SPATA16: variants seen among roughly 807,000 people sequenced by gnomAD.
SPATA16 encodes spermatogenesis associated 16, also known as spermatogenesis-associated protein 16.
A neutral mutation model predicts 63.3 loss-of-function variants in SPATA16; 36 were observed. That is an observed-to-expected ratio of 0.57 (90% CI 0.44 to 0.75). SPATA16 has a LOEUF of 0.75. Among genes scored for constraint, SPATA16 ranks in the 30% least tolerant of loss-of-function variants. SPATA16 has a pLI of 0.00. For synonymous variants in SPATA16, 203 were observed against 216.7 expected (o/e 0.94, Z 0.56); for missense variants, 646 against 679.3 (o/e 0.95, Z 0.54).
chr3:173,001,359 T>G (rs561953201), intron 4 of SPATA16, among the ~76,000 whole-genome samples: 1 of 151,848 alleles, frequency 6.6e-6, no homozygotes, highest in South Asian at 2.1e-4. Flanking sequence ...TAAATTAGGT[T>G]CTAGTAAAAC....
intron 5 of SPATA16, among the ~76,000 whole-genome samples, chr3:172,967,622 T>A (rs1042091654): frequency 3.3e-5 from 5 of 152,206 alleles, no homozygotes; most frequent in Non-Finnish European, 7.4e-5. Context: ...GGCGGGCCAG[T>A]AAGAAGCTTT....
chr3:173,070,413 A>G (rs1035301735), intron 2 of SPATA16, among the ~76,000 whole-genome samples: 1 of 148,860 alleles, frequency 6.7e-6, no homozygotes, highest in Non-Finnish European at 1.5e-5. Flanking sequence ...AAAAAAAAAA[A>G]GATGCCTACT....
chr3:172,920,681 A>G (rs899205817), intron 8 of SPATA16, among the ~76,000 whole-genome samples: 1 of 152,234 alleles, frequency 6.6e-6, no homozygotes, highest in Non-Finnish European at 1.5e-5. Context: ...CTAATTAGAT[A>G]TTAGGTAGGT....
At chr3:172,999,233 C>A (rs1294612682) in intron 4 of SPATA16, among the ~76,000 whole-genome samples, 1 of 151,964 alleles carries the variant, frequency 6.6e-6, no homozygotes, top group East Asian at 1.9e-4. Context: ...ACATATAGGC[C>A]TATTCAGATT....
At chr3:173,061,514 A>G (rs1736377658) in intron 2 of SPATA16, among the ~76,000 whole-genome samples, 1 of 152,246 alleles carries the variant, frequency 6.6e-6, no homozygotes, top group African/African-American at 2.4e-5. Flanking sequence ...AATTATGCAC[A>G]ACAATTAGCC....
chr3:172,925,777 C>T (rs962792978), intron 6 of SPATA16, among the ~76,000 whole-genome samples: 3 of 152,068 alleles, frequency 2.0e-5, no homozygotes, highest in Admixed American at 2.0e-4. Flanking sequence ...ACATTCAGGA[C>T]CAGCTTGCAG....
chr3:173,065,797 C>CTAAT (rs1213558097), intron 2 of SPATA16, among the ~76,000 whole-genome samples: 5 of 152,168 alleles, frequency 3.3e-5, no homozygotes, highest in Admixed American at 3.3e-4. Flanking sequence ...AGTATTAGAT[C>CTAAT]AGCCCTGGGC....
At chr3:173,111,544 A>C (rs1021860178) in intron 2 of SPATA16, among the ~76,000 whole-genome samples, 1 of 152,200 alleles carries the variant, frequency 6.6e-6, no homozygotes, top group Admixed American at 6.5e-5. Context: ...TGAACCCCCA[A>C]ATTTCTGATT....
chr3:172,939,808 G>A (rs149289355), intron 6 of SPATA16, among the ~76,000 whole-genome samples: 21 of 152,238 alleles, frequency 1.4e-4, no homozygotes, highest in Middle Eastern at 3.4e-3. Flanking sequence ...GGTGACTCTT[G>A]CTGGGCCCTT....
At chr3:173,040,806 A>G (rs553234897) in intron 3 of SPATA16, among the ~76,000 whole-genome samples, 1 of 152,200 alleles carries the variant, frequency 6.6e-6, no homozygotes, top group South Asian at 2.1e-4. Context: ...GTGGAGAACT[A>G]AGTGAGATAG....
chr3:172,960,875 C>CTTTCTTTCTTTCTTTCTTTCTT (rs139523157), intron 5 of SPATA16, among the ~76,000 whole-genome samples: 2 of 142,182 alleles, frequency 1.4e-5, no homozygotes, highest in African/African-American at 5.4e-5. Flanking sequence ...CTTTCTTTCT[C>CTTTCTTTCTTTCTTTCTTTCTT]TCTTTCTTTC....
At chr3:173,048,617 C>T (rs1736008935) in intron 3 of SPATA16, among the ~76,000 whole-genome samples, 1 of 152,122 alleles carries the variant, frequency 6.6e-6, no homozygotes, top group Non-Finnish European at 1.5e-5. Flanking sequence ...TCCACAACTG[C>T]AATTTCGACA....
At chr3:173,046,667 A>G (rs1735961566) in intron 3 of SPATA16, among the ~76,000 whole-genome samples, 1 of 152,054 alleles carries the variant, frequency 6.6e-6, no homozygotes, top group African/African-American at 2.4e-5. Context: ...ACAAAAGCAG[A>G]ATTCTGCATT....
At chr3:173,084,667 C>A (rs910794393) in intron 2 of SPATA16, among the ~76,000 whole-genome samples, 1 of 152,090 alleles carries the variant, frequency 6.6e-6, no homozygotes, top group African/African-American at 2.4e-5. Context: ...ACATTTAAGT[C>A]TTTAATCCAT....
rs188128239 is a variant in SPATA16 at position 173,126,109 on chromosome 3, C to T, written c.-18-8360G>A. 8.0e-5 allele frequency among the ~76,000 whole-genome samples: 12 copies of T among 150,642 alleles called. No homozygotes were observed. The East Asian group carries it at 1.7e-3, about 22-fold the overall frequency. ...AACAATATTTATGATGTGCCTACCC[C>T]GGTCTTTTTTATTGTAGTCTTTGTT... On this transcript the variant is annotated intron_variant, in intron 1 of 10. Coordinates refer to ENST00000351008, the MANE Select transcript of SPATA16 (RefSeq NM_031955.6).
chr3:172,991,544 C>T (rs1207973401), intron 4 of SPATA16, among the ~76,000 whole-genome samples: 1 of 152,184 alleles, frequency 6.6e-6, no homozygotes, highest in African/African-American at 2.4e-5. Context: ...AGCTGAACTG[C>T]TGGATGGCTT....
rs1390674373 is a variant in SPATA16, at chr3:173,117,573, A to G, written c.159T>C (p.Gly53=). Residue 53 remains glycine (G), a synonymous_variant, in exon 2 of 11, where the codon GGT becomes GGC. Transcript: ENST00000351008. ...TTTCAAGTGTGATTTCTACCTGTTT[A>G]CCTCCACAGTTTTTCTTAATCTCTT... ...MSQEIKKNCG[G]KQVEITLERT... is the part of the protein sequence containing the mutation. The G allele has an allele frequency of 6.2e-7, 1 of 1,613,430 alleles. No individual in the cohort carries two copies. Among genetic ancestry groups the G allele is most frequent in the Non-Finnish European group, 8.5e-7 (1 of 1,179,782 alleles).
chr3:173,050,816 G>T (rs956664363), intron 2 of SPATA16, among the ~76,000 whole-genome samples: 2 of 152,188 alleles, frequency 1.3e-5, no homozygotes, highest in Non-Finnish European at 2.9e-5. Flanking sequence ...CACTGGAAAT[G>T]ACCTCAGTCA....
At chr3:172,953,189 G>C (rs1171516128) in intron 6 of SPATA16, among the ~76,000 whole-genome samples, 1 of 152,116 alleles carries the variant, frequency 6.6e-6, no homozygotes, top group Non-Finnish European at 1.5e-5. Context: ...TTTCTTAGGA[G>C]CAGTTGTATT....
Sources: allele counts gnomAD v4.1 joint callset (sites outside exome capture counted in the v4.1 genomes callset), GRCh38; gene constraint gnomAD v4.1.1; transcripts MANE v1.5; gene names NCBI Gene and HGNC (gene_info 2026-07-23, HGNC 2026-07-21).